Variants in PDE1A observed in about 807,000 individuals in gnomAD.
PDE1A encodes dual specificity calcium/calmodulin-dependent 3',5'-cyclic nucleotide phosphodiesterase 1A.
In PDE1A, 35 loss-of-function variants were observed where a neutral mutation model predicts 61.7. The observed-to-expected ratio is 0.57, with a 90% CI of 0.43 to 0.75. PDE1A has a LOEUF of 0.75. Ranked by LOEUF, PDE1A falls within the 30% of genes least tolerant of loss-of-function variation. PDE1A has a pLI of 0.00. For missense variants in PDE1A, 597 were observed against 630.6 expected (o/e 0.95, Z 0.57); for synonymous variants, 232 against 213.2 (o/e 1.09, Z -0.77).
intron 1 of PDE1A, among the ~76,000 whole-genome samples, chr2:182,425,486 ATAATT>A (rs1249281236): frequency 6.6e-6 from 1 of 152,238 alleles, no homozygotes; most frequent in African/African-American, 2.4e-5. Context: ...GAATTTAAAT[ATAATT>A]TATGTTCAAA....
At chr2:182,515,469 G>GA (rs1208241810) in intron 2 of PDE1A, among the ~76,000 whole-genome samples, 1 of 152,188 alleles carries the variant, frequency 6.6e-6, no homozygotes, top group African/African-American at 2.4e-5. Flanking sequence ...TGTAATATTA[G>GA]AAAATATCTG....
the PDE1A span, among the ~76,000 whole-genome samples, chr2:182,553,465 G>A: frequency 1.3e-5 from 2 of 152,174 alleles, no homozygotes; most frequent in East Asian, 3.9e-4. Flanking sequence ...CCTGACCTCA[G>A]GTGATCCACC....
chr2:182,484,546 C>A (rs1559503868), intron 2 of PDE1A, among the ~76,000 whole-genome samples: 2 of 151,864 alleles, frequency 1.3e-5, no homozygotes, highest in Non-Finnish European at 2.9e-5. Flanking sequence ...TTCTTCACAG[C>A]CAAAGGAACT....
At chr2:182,144,677 G>C (rs970274735), downstream of PDE1A, among the ~76,000 whole-genome samples, 1 of 152,166 alleles carries the variant, frequency 6.6e-6, no homozygotes, top group Non-Finnish European at 1.5e-5. Context: ...CACTTTCTGT[G>C]ATGGCAGCCA....
intron 2 of PDE1A, among the ~76,000 whole-genome samples, chr2:182,474,519 C>A (rs1687234818): frequency 6.6e-6 from 1 of 151,856 alleles, no homozygotes; most frequent in Non-Finnish European, 1.5e-5. Context: ...CCACTTAACT[C>A]CTCTGAACCC....
Position 182,282,134 on chromosome 2 carries a change from T to G in PDE1A, c.54-17720A>C, listed in dbSNP as rs536238427. Among the ~76,000 whole-genome samples the G allele has an allele frequency of 7.9e-5, 12 of 152,006 alleles. No individual in the cohort carries two copies. In the East Asian group the frequency reaches 2.3e-3, roughly 29 times the overall value. ...GTTTCTCAACTCACTCACCTCTAAC[T>G]CTTACAGAAGATATTTAAGCATAAT... On this transcript the variant is annotated intron_variant, in intron 1 of 13. Coordinates refer to ENST00000351439, the Ensembl canonical transcript of PDE1A.
At chr2:182,577,917 C>T in the PDE1A span, among the ~76,000 whole-genome samples, 2 of 102,040 alleles carry the variant, frequency 2.0e-5, no homozygotes, top group Non-Finnish European at 3.6e-5. Flanking sequence ...AAGACTTTGT[C>T]GAAAGAAAGA....
chr2:182,504,657 G>C (rs1208658106), intron 2 of PDE1A, among the ~76,000 whole-genome samples: 2 of 152,194 alleles, frequency 1.3e-5, no homozygotes, highest in Admixed American at 1.3e-4. Context: ...AAGCATATAT[G>C]ATCTCCTTTT....
At chr2:182,336,490 C>G (rs1697822876) in intron 1 of PDE1A, among the ~76,000 whole-genome samples, 1 of 152,028 alleles carries the variant, frequency 6.6e-6, no homozygotes, top group African/African-American at 2.4e-5. Context: ...AAGCTGAACA[C>G]CATCATTCTC....
intron 2 of PDE1A, among the ~76,000 whole-genome samples, chr2:182,494,890 T>C (rs1419402856): frequency 1.3e-5 from 2 of 152,188 alleles, no homozygotes; most frequent in Non-Finnish European, 2.9e-5. Context: ...AATTTGTCTC[T>C]TGTGAGATTC....
chr2:182,451,526 T>C (rs1450154576), intron 2 of PDE1A, among the ~76,000 whole-genome samples: 1 of 152,158 alleles, frequency 6.6e-6, no homozygotes, highest in African/African-American at 2.4e-5. Context: ...TGTACCTTAC[T>C]TAACTGTGTA....
chr2:182,714,805 C>G, the PDE1A span, among the ~76,000 whole-genome samples: 14 of 152,104 alleles, frequency 9.2e-5, no homozygotes, highest in Non-Finnish European at 2.1e-4. Context: ...GTGATCCACC[C>G]GCCTCAGCCC....
At chr2:182,201,635 G>C in intron 9 of PDE1A, 53 bp downstream of exon 9, 1 of 1,175,560 alleles carries the variant, frequency 8.5e-7, no homozygotes, top group Non-Finnish European at 1.2e-6. Flanking sequence ...CCAAGCCCCT[G>C]GAACTTTAAC....
Position 182,270,827 on chromosome 2 carries a change from G to A in PDE1A, c.54-6413C>T, listed in dbSNP as rs577540821. On this transcript the variant is annotated intron_variant, in intron 1 of 13. Coordinates refer to ENST00000351439, the Ensembl canonical transcript of PDE1A. ...GAAGCTACTGTGTCATTTTCAGTAA[G>A]TCCTGCTTGACTCTAAAACAATAAA... is the stretch of plus-strand genomic sequence containing the variant. Among the ~76,000 whole-genome samples, 5 of 151,766 alleles carry A rather than the reference G, an allele frequency of 3.3e-5. No homozygotes were observed. The East Asian group carries it at 7.7e-4, about 23-fold the overall frequency.
chr2:182,632,223 C>A, the PDE1A span, among the ~76,000 whole-genome samples: 1 of 151,996 alleles, frequency 6.6e-6, no homozygotes, highest in African/African-American at 2.4e-5. Flanking sequence ...ATACAGTATG[C>A]TTTCATTAAC....
the PDE1A span, among the ~76,000 whole-genome samples, chr2:182,583,380 C>T: frequency 6.6e-6 from 1 of 152,140 alleles, no homozygotes; most frequent in Non-Finnish European, 1.5e-5. Flanking sequence ...TTATCTGAAA[C>T]ATCTGGCTTT....
intron 7 of PDE1A, among the ~76,000 whole-genome samples, chr2:182,218,063 T>C (rs1445821017): frequency 1.3e-5 from 2 of 148,326 alleles, no homozygotes; most frequent in East Asian, 4.0e-4. Context: ...ATGTGGCACA[T>C]ATACACCATG....
chr2:182,471,374 T>C (rs188686962), intron 2 of PDE1A, among the ~76,000 whole-genome samples: 13 of 151,924 alleles, frequency 8.6e-5, no homozygotes, highest in Admixed American at 4.6e-4. Flanking sequence ...GAACCTTTTA[T>C]ACACAGTATA....
intron 2 of PDE1A, among the ~76,000 whole-genome samples, chr2:182,250,694 T>C (rs1457518743): frequency 1.3e-5 from 2 of 152,128 alleles, no homozygotes; most frequent in Non-Finnish European, 2.9e-5. Flanking sequence ...ACTGAACTTT[T>C]GGGTGGAGAA....
Sources: gnomAD v4.1 joint callset for allele counts (sites outside exome capture counted in the v4.1 genomes callset) on GRCh38, gnomAD v4.1.1 for gene constraint, MANE v1.5 for transcripts, NCBI Gene and HGNC (gene_info 2026-07-23, HGNC 2026-07-21) for gene names.